IPCEF1: variants seen among roughly 807,000 people sequenced by gnomAD.
IPCEF1 encodes interaction protein for cytohesin exchange factors 1.
Under a neutral mutation model 50.9 loss-of-function variants are expected in IPCEF1, and 31 were observed. The observed-to-expected ratio is 0.61, with a 90% CI of 0.46 to 0.82. IPCEF1 has a LOEUF of 0.82. Ranked by LOEUF, IPCEF1 falls within the 40% of genes least tolerant of loss-of-function variation. IPCEF1 has a pLI of 0.00. For missense variants in IPCEF1, 458 were observed against 514.0 expected (o/e 0.89, Z 1.05); for synonymous variants, 181 against 192.0 (o/e 0.94, Z 0.47).
At chr6:154,304,743 C>T (rs1339800851) in intron 1 of IPCEF1, among the ~76,000 whole-genome samples, 1 of 152,140 alleles carries the variant, frequency 6.6e-6, no homozygotes, top group Non-Finnish European at 1.5e-5. Flanking sequence ...TGGGAAATTT[C>T]CTGCCTGTAT....
chr6:154,181,555 T>C (rs1021716785), intron 10 of IPCEF1, among the ~76,000 whole-genome samples: 1 of 152,242 alleles, frequency 6.6e-6, no homozygotes, highest in Non-Finnish European at 1.5e-5. Context: ...GAAGACTATA[T>C]ATTTCAAATT....
Position 154,159,790 on chromosome 6 carries a change from T to A in IPCEF1, c.*38A>T, listed in dbSNP as rs2128545791. 1 of 1,491,828 alleles carries A rather than the reference T, an allele frequency of 6.7e-7. No individual in the cohort carries two copies. Among genetic ancestry groups the A allele is most frequent in the Non-Finnish European group, 9.3e-7 (1 of 1,078,022 alleles). 92.4% of individuals were successfully genotyped at this position (1,491,828 alleles called of 1,614,324 possible). ...TTTTGCAACATCTTGAAGAGTTGCT[T>A]GTGATAAAATATAAGAGGAGAAAAC... On this transcript the variant is annotated 3_prime_UTR_variant, in exon 12 of 12. Coordinates refer to ENST00000367220, the MANE Select transcript of IPCEF1 (RefSeq NM_001130700.2).
intron 1 of IPCEF1, among the ~76,000 whole-genome samples, chr6:154,321,138 C>G (rs1034244513): frequency 6.6e-6 from 1 of 151,632 alleles, no homozygotes; most frequent in Non-Finnish European, 1.5e-5. Flanking sequence ...TCTGTGTTGC[C>G]CAGGCTAGTT....
chr6:154,291,879 T>C (rs1381250319), intron 1 of IPCEF1, among the ~76,000 whole-genome samples: 1 of 151,988 alleles, frequency 6.6e-6, no homozygotes, highest in Non-Finnish European at 1.5e-5. Flanking sequence ...GAGACGGGGT[T>C]TCACCGTGTT....
chr6:154,225,972 T>C (rs1276532828), intron 5 of IPCEF1, among the ~76,000 whole-genome samples: 1 of 152,228 alleles, frequency 6.6e-6, no homozygotes, highest in Non-Finnish European at 1.5e-5. Flanking sequence ...ACGCTGTAGC[T>C]GCTCCCTCCC....
At chr6:154,260,594 T>C (rs1264198747) in intron 3 of IPCEF1, among the ~76,000 whole-genome samples, 1 of 151,744 alleles carries the variant, frequency 6.6e-6, no homozygotes. Context: ...TGCCTTAGCC[T>C]CCTGAGTAGC....
intron 3 of IPCEF1, among the ~76,000 whole-genome samples, chr6:154,251,601 A>C (rs1453409527): frequency 1.3e-5 from 2 of 152,212 alleles, no homozygotes; most frequent in African/African-American, 4.8e-5. Flanking sequence ...AAGTCACCAA[A>C]GTAAATGGTA....
At chr6:154,273,704 T>TTTC (rs1781958455) in intron 2 of IPCEF1, among the ~76,000 whole-genome samples, 1 of 77,300 alleles carries the variant, frequency 1.3e-5, no homozygotes, top group African/African-American at 4.6e-5. Flanking sequence ...TTTTTTCTTT[T>TTTC]TTTCTTTCTT....
intron 1 of IPCEF1, among the ~76,000 whole-genome samples, chr6:154,327,035 T>G (rs568371603): frequency 3.7e-4 from 56 of 152,250 alleles, no homozygotes; most frequent in Non-Finnish European, 6.5e-4. Flanking sequence ...AAACTGGACC[T>G]CTTCCTTACA....
chr6:154,223,172 C>T lies in IPCEF1; in HGVS notation c.318G>A (p.Lys106=), dbSNP rs760874080. 1.9e-6 allele frequency: 3 copies of T among 1,612,754 alleles called. No homozygotes were observed. Among genetic ancestry groups the T allele is most frequent in the African/African-American group, 1.3e-5 (1 of 74,902 alleles). The change falls in exon 6 of 12, where the codon AAG becomes AAA. Residue 106 remains lysine, a splice_region_variant and synonymous_variant. Transcript: ENST00000367220. ...TVERASECKK[K]HAFKISHPQI... is the part of the protein sequence containing the mutation. ...GTGGAAGATGAGAGACAACTTACTG[C>T]TTTTTCTTGCATTCAGATGCTCTTT...
intron 7 of IPCEF1, among the ~76,000 whole-genome samples, chr6:154,215,577 G>A (rs566947404): frequency 2.0e-5 from 3 of 152,206 alleles, no homozygotes; most frequent in African/African-American, 7.2e-5. Context: ...CTGCACTCCA[G>A]CCTGGGCAAC....
chr6:154,283,504 G>A (rs7758731), intron 2 of IPCEF1, among the ~76,000 whole-genome samples: 110,489 of 151,106 alleles, frequency 0.73, 40,593 homozygotes, highest in South Asian at 0.85. Flanking sequence ...AGGCTGAGGC[G>A]GGAGAATGGT....
Position 154,349,690 on chromosome 6 carries a change from C to T in IPCEF1, c.-62+6982G>A, listed in dbSNP as rs553556361. ...GCGTTACAGATCAGTGCATAAAACTCTGAAGAATGCAGTTTCCTTCACAAT... is the reference window on the plus strand; with the variant it reads ...GCGTTACAGATCAGTGCATAAAACTTTGAAGAATGCAGTTTCCTTCACAAT... On this transcript the variant is annotated intron_variant, in intron 1 of 11. Transcript: ENST00000367220. Among the ~76,000 whole-genome samples, 6 of 152,174 alleles carry T rather than the reference C, an allele frequency of 3.9e-5. No individual in the cohort carries two copies. In the South Asian group the frequency reaches 1.2e-3, roughly 32 times the overall value.
At chr6:154,280,782 C>A (rs886280113) in intron 2 of IPCEF1, among the ~76,000 whole-genome samples, 2 of 152,176 alleles carry the variant, frequency 1.3e-5, no homozygotes, top group Non-Finnish European at 2.9e-5. Flanking sequence ...CGATGGTATT[C>A]TATTTCTTGA....
rs538640628 is a variant in IPCEF1, at chr6:154,213,330, G to C, written c.452-475C>G. 2.3e-3 allele frequency: 364 copies of C among 158,844 alleles called. 1 individual carries two copies. The highest frequency in any genetic ancestry group is 8.6e-3 in the African/African-American group (358 of 41,730). The allele number at this position is 158,844 out of a possible 1,614,324, so 9.8% of individuals were successfully genotyped here. A position where few individuals can be genotyped will look rare whatever the true frequency, so the allele number is the denominator to read the frequency against. On this transcript the variant is annotated intron_variant, in intron 8 of 11. Coordinates refer to ENST00000367220, the MANE Select transcript of IPCEF1 (RefSeq NM_001130700.2). The stretch of plus-strand genomic sequence containing the variant: ...ATATGGCAGAAAACGAAGCTAGAAG[G>C]TGGTGGAGGCCATGTCATAGAAGGC...
At chr6:154,304,687 T>A (rs903513460) in intron 1 of IPCEF1, among the ~76,000 whole-genome samples, 1 of 152,196 alleles carries the variant, frequency 6.6e-6, no homozygotes, top group Non-Finnish European at 1.5e-5. Flanking sequence ...CAGTTACCTA[T>A]TGAAGGCTCT....
intron 3 of IPCEF1, among the ~76,000 whole-genome samples, chr6:154,261,049 A>ATG (rs149058750): frequency 2.6e-5 from 4 of 151,790 alleles, no homozygotes; most frequent in Non-Finnish European, 4.4e-5. Context: ...GTGTGTGTGC[A>ATG]TGTGTGTGTG....
chr6:154,172,509 T>C (rs571558660), intron 10 of IPCEF1, among the ~76,000 whole-genome samples: 54 of 152,236 alleles, frequency 3.5e-4, no homozygotes, highest in African/African-American at 1.3e-3. Context: ...GCTCGGTGGG[T>C]CCCACACCCA....
chr6:154,252,400 G>A (rs1781360326), intron 3 of IPCEF1, among the ~76,000 whole-genome samples: 1 of 152,202 alleles, frequency 6.6e-6, no homozygotes, highest in Non-Finnish European at 1.5e-5. Flanking sequence ...CTCTTGGCCA[G>A]GCACGGTGGC....
Sources: allele counts gnomAD v4.1 joint callset (sites outside exome capture counted in the v4.1 genomes callset), GRCh38; gene constraint gnomAD v4.1.1; transcripts MANE v1.5; gene names NCBI Gene and HGNC (gene_info 2026-07-23, HGNC 2026-07-21).